ATF6: variants seen among roughly 807,000 people sequenced by gnomAD.
ATF6 encodes the protein activating transcription factor 6, also known as cyclic AMP-dependent transcription factor ATF-6 alpha.
A neutral mutation model predicts 83.6 loss-of-function variants in ATF6; 53 were observed. The ratio of observed to expected loss-of-function variants is 0.63; its 90% CI spans 0.51 to 0.80. The LOEUF is 0.80. Ranked by LOEUF, ATF6 falls within the 30% of genes least tolerant of loss-of-function variation. The pLI is 0.00. For synonymous variants in ATF6, 288 were observed against 285.8 expected (o/e 1.01, Z -0.08); for missense variants, 744 against 797.9 (o/e 0.93, Z 0.81).
intron 15 of ATF6, among the ~76,000 whole-genome samples, chr1:161,958,231 G>A (rs968411705): frequency 4.6e-5 from 7 of 152,142 alleles, no homozygotes; most frequent in African/African-American, 1.7e-4. Flanking sequence ...GTCAATGGAG[G>A]TTGTTTGGGA....
At chr1:161,865,670 A>G (rs1373746427) in intron 14 of ATF6, among the ~76,000 whole-genome samples, 1 of 152,200 alleles carries the variant, frequency 6.6e-6, no homozygotes. Flanking sequence ...CACAATTACT[A>G]TTAGGAGTAT....
At chr1:161,829,189 C>CTTTTTTTTTTTTTTTTTTTT (rs35619050) in intron 9 of ATF6, among the ~76,000 whole-genome samples, 9 of 72,596 alleles carry the variant, frequency 1.2e-4, no homozygotes, top group Non-Finnish European at 2.3e-4. Flanking sequence ...TAATGGGAGA[C>CTTTTTTTTTTTTTTTTTTTT]TTTTTTTTTT....
chr1:161,778,227 T>C lies in ATF6; in HGVS notation c.83-17T>C. On this transcript the variant is annotated splice_polypyrimidine_tract_variant and intron_variant, in intron 1 of 15. Transcript: ENST00000367942. ...TTGAATTGACAGTTCATTTCTATTCTTTTCCTTTGTCCAAAGATTCTGCTC... is the reference window on the plus strand; with the variant it reads ...TTGAATTGACAGTTCATTTCTATTCCTTTCCTTTGTCCAAAGATTCTGCTC... 1.9e-6 allele frequency: 3 copies of C among 1,607,340 alleles called. No individual in the cohort carries two copies. Among genetic ancestry groups the C allele is most frequent in the Non-Finnish European group, 2.6e-6 (3 of 1,174,846 alleles).
intron 1 of ATF6, among the ~76,000 whole-genome samples, chr1:161,767,742 C>G (rs1355554220): frequency 3.3e-5 from 5 of 152,190 alleles, no homozygotes; most frequent in African/African-American, 1.2e-4. Flanking sequence ...CTCATGTCTA[C>G]AGATTTTATT....
rs776117884 is a variant in ATF6, at chr1:161,863,311, G to A, written c.1718G>A (p.Arg573Lys). Residue 573 changes from arginine (R) to lysine (K), a missense_variant and splice_region_variant, in exon 14 of 16, where the codon AGG (arginine) becomes AAG (lysine). By Grantham distance (26) the Arg-to-Lys change is conservative (BLOSUM62 2). Coordinates refer to ENST00000367942, the MANE Select transcript of ATF6 (RefSeq NM_007348.4). ...GDTFYVVSFR[R>K]DHLLLPATTH... ...ACATTTTATGTTGTGTCATTTCGAA[G>A]GGTAAGTTCATCTTGAAAGAATAGA... The A allele has an allele frequency of 1.2e-5, 19 of 1,598,070 alleles. No homozygotes were observed. Among genetic ancestry groups the A allele is most frequent in the Non-Finnish European group, 1.5e-5 (18 of 1,165,758 alleles).
At chr1:161,876,662 A>G (rs1285846816) in intron 14 of ATF6, among the ~76,000 whole-genome samples, 1 of 152,054 alleles carries the variant, frequency 6.6e-6, no homozygotes, top group Non-Finnish European at 1.5e-5. Flanking sequence ...AGCGACAAGA[A>G]GATAGATTAT....
rs79855718 is a variant in ATF6 at position 161,826,092 on chromosome 1, C to T, written c.1187+4931C>T. ...TATATCGCAAATTCACAGGCATATT[C>T]TTGAGGGAACATAGAAGTAACCAGT... On this transcript the variant is annotated intron_variant, in intron 9 of 15. Coordinates refer to ENST00000367942, the MANE Select transcript of ATF6 (RefSeq NM_007348.4). Among the ~76,000 whole-genome samples, 958 of 152,228 alleles carry T rather than the reference C, an allele frequency of 6.3e-3. 10 individuals are homozygous for T. Among genetic ancestry groups the T allele is most frequent in the African/African-American group, 0.022 (908 of 41,534 alleles).
intron 14 of ATF6, among the ~76,000 whole-genome samples, chr1:161,885,182 C>T (rs1168168163): frequency 1.3e-5 from 2 of 152,102 alleles, no homozygotes; most frequent in African/African-American, 4.8e-5. Flanking sequence ...CATTTTCTTA[C>T]ATCTTCTTCT....
chr1:161,794,023 C>T (rs1041475111), intron 6 of ATF6, among the ~76,000 whole-genome samples: 2 of 152,194 alleles, frequency 1.3e-5, no homozygotes, highest in African/African-American at 4.8e-5. Context: ...TCTCCTGCTT[C>T]AGCCTCCAGA....
intron 15 of ATF6, among the ~76,000 whole-genome samples, chr1:161,957,656 T>G (rs1688994771): frequency 6.6e-6 from 1 of 152,188 alleles, no homozygotes; most frequent in Non-Finnish European, 1.5e-5. Context: ...TTGCCCCATA[T>G]GTAGAAAGCA....
At chr1:161,898,316 A>G (rs911191088) in intron 14 of ATF6, among the ~76,000 whole-genome samples, 5 of 152,306 alleles carry the variant, frequency 3.3e-5, no homozygotes, top group African/African-American at 1.2e-4. Context: ...TATGCTTTAT[A>G]AACCAAATAG....
At chr1:161,870,854 G>C (rs1249234228) in intron 14 of ATF6, among the ~76,000 whole-genome samples, 1 of 151,672 alleles carries the variant, frequency 6.6e-6, no homozygotes, top group Non-Finnish European at 1.5e-5. Context: ...AGAATGGTGG[G>C]CAGATCCATC....
intron 8 of ATF6, 129 bp from the exon 9 acceptor site, chr1:161,820,937 TTTTA>T: frequency 2.0e-6 from 1 of 491,522 alleles, no homozygotes; most frequent in Non-Finnish European, 3.4e-6. Flanking sequence ...TTTTTTTTTT[TTTTA>T]AATAAGACAA....
At chr1:161,789,395 A>G (rs1300569783) in intron 4 of ATF6, among the ~76,000 whole-genome samples, 1 of 151,738 alleles carries the variant, frequency 6.6e-6, no homozygotes, top group Non-Finnish European at 1.5e-5. Context: ...GATCCCACAA[A>G]TAAGTGAGAA....
intron 9 of ATF6, among the ~76,000 whole-genome samples, chr1:161,827,761 T>C (rs1388268725): frequency 1.3e-5 from 2 of 152,132 alleles, no homozygotes; most frequent in African/African-American, 4.8e-5. Context: ...GTAAGAGAGT[T>C]TTGTCAAAGG....
At chr1:161,887,708 A>G (rs770146789) in intron 14 of ATF6, among the ~76,000 whole-genome samples, 5 of 152,234 alleles carry the variant, frequency 3.3e-5, no homozygotes, top group Non-Finnish European at 5.9e-5. Context: ...GAATTCACAC[A>G]TAGGACCCCA....
intron 15 of ATF6, among the ~76,000 whole-genome samples, chr1:161,955,492 C>T (rs1395550967): frequency 6.6e-6 from 1 of 152,140 alleles, no homozygotes; most frequent in African/African-American, 2.4e-5. Context: ...AGGGGAGGGA[C>T]CTACAAAGAT....
At chr1:161,828,336 G>A (rs958126050) in intron 9 of ATF6, among the ~76,000 whole-genome samples, 8 of 152,112 alleles carry the variant, frequency 5.3e-5, no homozygotes, top group African/African-American at 1.9e-4. Flanking sequence ...GGCTCCACTG[G>A]AGACAAAGTA....
chr1:161,925,366 A>G (rs1172185076), intron 15 of ATF6, among the ~76,000 whole-genome samples: 1 of 152,162 alleles, frequency 6.6e-6, no homozygotes, highest in African/African-American at 2.4e-5. Context: ...GCTTTTTCAT[A>G]TATGTTACTA....
Sources: allele counts gnomAD v4.1 joint callset (sites outside exome capture counted in the v4.1 genomes callset), GRCh38; gene constraint gnomAD v4.1.1; transcripts MANE v1.5; gene names NCBI Gene and HGNC (gene_info 2026-07-23, HGNC 2026-07-21).